CMSS1: variants seen among roughly 807,000 people sequenced by gnomAD.
CMSS1 encodes the protein protein CMSS1.
In CMSS1, 33 loss-of-function variants were observed where a neutral mutation model predicts 43.5. The observed-to-expected ratio is 0.76, with a 90% CI of 0.57 to 1.01. The LOEUF (loss-of-function observed/expected upper bound fraction) is 1.01. CMSS1 is among the 50% of genes least tolerant of loss of function. The probability of loss-of-function intolerance (pLI) is 0.00; values close to 1 mark genes in which losing one functional copy is unlikely to be tolerated. For synonymous variants in CMSS1, 115 were observed against 117.2 expected (o/e 0.98, Z 0.12); for missense variants, 313 against 326.4 (o/e 0.96, Z 0.32).
At chr3:100,075,603 G>T (rs2065837894) in intron 1 of CMSS1, 1 of 149,890 alleles carries the variant, frequency 6.7e-6, no homozygotes, top group Non-Finnish European at 1.5e-5. Context: ...CCCACTGATG[G>T]CAGACTCTGT....
At chr3:100,159,415 C>T (rs539740195) in intron 2 of CMSS1, among the ~76,000 whole-genome samples, 3 of 152,216 alleles carry the variant, frequency 2.0e-5, no homozygotes, top group Non-Finnish European at 2.9e-5. Context: ...CATTCTCAAT[C>T]TGCAGGCTGT....
intron 1 of CMSS1, among the ~76,000 whole-genome samples, chr3:100,019,255 G>T (rs2064761233): frequency 6.6e-6 from 1 of 152,174 alleles, no homozygotes; most frequent in African/African-American, 2.4e-5. Flanking sequence ...AGCTACTCGG[G>T]AGGCTGAGGC....
rs555819875 is a variant in CMSS1, at chr3:100,074,675, A to ATTTTTTTTTTTTTTTTTTTTTTTT, written c.65-72285_65-72262dup. Among the ~76,000 whole-genome samples, 31 of 34,802 alleles carry ATTTTTTTTTTTTTTTTTTTTTTTT rather than the reference A, an allele frequency of 8.9e-4. 12 individuals are homozygous for ATTTTTTTTTTTTTTTTTTTTTTTT. The highest frequency in any genetic ancestry group is 4.2e-3 in the East Asian group (4 of 942). The allele number at this position is 34,802 out of a possible 152,430, so 22.8% of individuals were successfully genotyped here. ...ATTTTCTATGCATGTGCAACATTTG[A>ATTTTTTTTTTTTTTTTTTTTTTTT]TTTTTTTTTTTTTTTTTTTTTTTTT... is the stretch of plus-strand genomic sequence containing the variant. On this transcript the variant is annotated intron_variant, in intron 1 of 9. Coordinates refer to ENST00000421999, the MANE Select transcript of CMSS1 (RefSeq NM_032359.4).
intron 1 of CMSS1, among the ~76,000 whole-genome samples, chr3:99,993,874 A>G (rs887230854): frequency 3.9e-5 from 6 of 152,102 alleles, no homozygotes; most frequent in Admixed American, 3.9e-4. Flanking sequence ...GATTTTATTT[A>G]CTAGTATTTT....
chr3:99,918,246 G>A (rs1467214357), intron 1 of CMSS1, among the ~76,000 whole-genome samples: 1 of 152,108 alleles, frequency 6.6e-6, no homozygotes, highest in African/African-American at 2.4e-5. Context: ...AAAGTGCTAG[G>A]ATTACAGGTG....
intron 1 of CMSS1, among the ~76,000 whole-genome samples, chr3:100,026,819 C>G (rs1276076699): frequency 6.6e-6 from 1 of 152,154 alleles, no homozygotes; most frequent in Non-Finnish European, 1.5e-5. Flanking sequence ...TTCTTTCTCT[C>G]CTGCAGCCAG....
At chr3:100,073,954 C>T (rs1251989398) in intron 1 of CMSS1, among the ~76,000 whole-genome samples, 2 of 152,166 alleles carry the variant, frequency 1.3e-5, no homozygotes, top group African/African-American at 4.8e-5. Flanking sequence ...TGTTTCCTTT[C>T]GGTGTGGCCA....
rs576148205 is a variant in CMSS1, at chr3:99,866,758, T to C, written c.64+48715T>C. ...CTAGTTCCTGAGGATGATTGGTTTA[T>C]ATCTTTTCCATGATTTTTGCAAAGT... On this transcript the variant is annotated intron_variant, in intron 1 of 9. Coordinates refer to ENST00000421999, the MANE Select transcript of CMSS1 (RefSeq NM_032359.4). Among the ~76,000 whole-genome samples the C allele has an allele frequency of 2.6e-5, 4 of 152,338 alleles. No individual in the cohort carries two copies. In the East Asian group the frequency reaches 7.7e-4, roughly 29 times the overall value.
At chr3:99,912,189 G>C (rs927699634) in intron 1 of CMSS1, among the ~76,000 whole-genome samples, 2 of 152,128 alleles carry the variant, frequency 1.3e-5, no homozygotes, top group Non-Finnish European at 2.9e-5. Flanking sequence ...ACTGATACAT[G>C]TTACAACATG....
intron 1 of CMSS1, among the ~76,000 whole-genome samples, chr3:99,821,942 A>C (rs546747596): frequency 1.5e-4 from 23 of 152,260 alleles, no homozygotes; most frequent in African/African-American, 4.6e-4. Context: ...GCTACTCAGG[A>C]GGCTGAGGCA....
intron 1 of CMSS1, among the ~76,000 whole-genome samples, chr3:100,143,851 C>T (rs1156943172): frequency 1.3e-5 from 2 of 152,236 alleles, no homozygotes; most frequent in East Asian, 3.9e-4. Context: ...GCTCTGAAGT[C>T]CACTTTCCCT....
intron 1 of CMSS1, among the ~76,000 whole-genome samples, chr3:99,950,532 C>T (rs1708145387): frequency 6.6e-6 from 1 of 152,088 alleles, no homozygotes; most frequent in Non-Finnish European, 1.5e-5. Context: ...GGTGACTTTC[C>T]TTCCTTTTCA....
chr3:100,017,784 A>C (rs547625751), intron 1 of CMSS1, among the ~76,000 whole-genome samples: 66 of 152,136 alleles, frequency 4.3e-4, no homozygotes, highest in African/African-American at 1.5e-3. Flanking sequence ...AAAAAGAAAC[A>C]CTGGTCTTCT....
At chr3:99,871,170 C>G (rs956429199) in intron 1 of CMSS1, among the ~76,000 whole-genome samples, 4 of 152,186 alleles carry the variant, frequency 2.6e-5, no homozygotes, top group African/African-American at 9.7e-5. Flanking sequence ...AAGTTCACTG[C>G]CTTGACTTAA....
intron 1 of CMSS1, among the ~76,000 whole-genome samples, chr3:99,870,852 A>G (rs1944753856): frequency 2.0e-5 from 3 of 152,334 alleles, no homozygotes; most frequent in East Asian, 3.9e-4. Context: ...TGTGCCCCGT[A>G]AGTGCATCTT....
intron 1 of CMSS1, among the ~76,000 whole-genome samples, chr3:99,983,795 GA>G (rs1709245822): frequency 6.6e-6 from 1 of 151,556 alleles, no homozygotes; most frequent in Non-Finnish European, 1.5e-5. Flanking sequence ...TAGCTAGCAA[GA>G]AAAGTAAAAT....
chr3:100,060,241 A>G (rs2065538545), intron 1 of CMSS1, among the ~76,000 whole-genome samples: 1 of 152,160 alleles, frequency 6.6e-6, no homozygotes, highest in South Asian at 2.1e-4. Flanking sequence ...TTTAGAAAAT[A>G]AAATCTACTG....
chr3:99,984,062 G>GTGTGTGTGTGTGTGTGTT (rs1424250163), intron 1 of CMSS1, among the ~76,000 whole-genome samples: 13 of 151,714 alleles, frequency 8.6e-5, no homozygotes, highest in African/African-American at 2.7e-4. Context: ...ATGTGTGTTT[G>GTGTGTGTGTGTGTGTGTT]TGTGTGTGTG....
chr3:100,067,522 T>C (rs1445072193), intron 1 of CMSS1, among the ~76,000 whole-genome samples: 1 of 152,190 alleles, frequency 6.6e-6, no homozygotes, highest in African/African-American at 2.4e-5. Flanking sequence ...CAAAATTCAC[T>C]TCATCTAAAA....
Sources: gnomAD v4.1 joint callset for allele counts (sites outside exome capture counted in the v4.1 genomes callset) on GRCh38, gnomAD v4.1.1 for gene constraint, MANE v1.5 for transcripts, NCBI Gene and HGNC (gene_info 2026-07-23, HGNC 2026-07-21) for gene names.